ADGRV1: variants seen among roughly 807,000 people sequenced by gnomAD.
The protein encoded by ADGRV1 is G-protein coupled receptor 98.
Under a neutral mutation model 596.2 loss-of-function variants are expected in ADGRV1, and 359 were observed. That is an observed-to-expected ratio of 0.60 (90% CI 0.55 to 0.66). The LOEUF (loss-of-function observed/expected upper bound fraction) is 0.66, where lower values mean the gene tolerates loss of function less well. Ranked by LOEUF, ADGRV1 falls within the 30% of genes least tolerant of loss-of-function variation. ADGRV1 has a pLI of 0.00. For synonymous variants in ADGRV1, 2,681 were observed against 2,679.2 expected (o/e 1.00, Z -0.02); for missense variants, 7,274 against 7,575.6 (o/e 0.96, Z 1.48).
rs1755167895 is a variant in ADGRV1 at position 90,750,847 on chromosome 5, A to C, written c.11121+150A>C. ...ATCATTGTAGAGAGGGATACAATTTAAGGTTAGTTTTCTGGTTGTGGGTAT... is the reference window on the plus strand; with the variant it reads ...ATCATTGTAGAGAGGGATACAATTTCAGGTTAGTTTTCTGGTTGTGGGTAT... On this transcript the variant is annotated intron_variant, in intron 53 of 89. Transcript: ENST00000405460. The C allele has an allele frequency of 1.1e-5, 6 of 568,930 alleles. No individual in the cohort carries two copies. In the Admixed American group the frequency reaches 1.9e-4, roughly 18 times the overall value. 35.2% of individuals were successfully genotyped at this position (568,930 alleles called of 1,614,324 possible). A position where few individuals can be genotyped will look rare whatever the true frequency, so the allele number is the denominator to read the frequency against.
At chr5:90,611,981 C>A (rs1447425951) in intron 1 of ADGRV1, among the ~76,000 whole-genome samples, 1 of 151,938 alleles carries the variant, frequency 6.6e-6, no homozygotes, top group African/African-American at 2.4e-5. Flanking sequence ...GCCCGAACAA[C>A]TTTTCATACA....
intron 54 of ADGRV1, among the ~76,000 whole-genome samples, chr5:90,754,593 A>G (rs2149970340): frequency 6.6e-6 from 1 of 152,308 alleles, no homozygotes; most frequent in East Asian, 1.9e-4. Flanking sequence ...ATGACTTTGT[A>G]TATATAATTT....
intron 21 of ADGRV1, among the ~76,000 whole-genome samples, chr5:90,658,637 A>C (rs1769771511): frequency 6.6e-6 from 1 of 151,758 alleles, no homozygotes; most frequent in African/African-American, 2.4e-5. Flanking sequence ...GGCTTGTATG[A>C]ATAATTGTAT....
chr5:90,810,885 A>G lies in ADGRV1; in HGVS notation c.15625A>G (p.Thr5209Ala). The change falls in exon 74 of 90, where the codon ACT (threonine) becomes GCT (alanine). Residue 5209 changes from threonine (T) to alanine (A), a missense_variant. Thr to Ala is a moderately conservative substitution (Grantham distance 58). Transcript: ENST00000405460. Reference protein sequence around the residue: ...PAVSEKPDVATVTANVSIHGT... With the variant: ...PAVSEKPDVAAVTANVSIHGT... ...TGTGTCTGAAAAGCCTGATGTGGCC[A>G]CTGTAACTGCCAATGTTTCCATTCA... 2 of 1,614,020 alleles carry G rather than the reference A, an allele frequency of 1.2e-6. No homozygotes were observed. The highest frequency in any genetic ancestry group is 1.3e-5 in the African/African-American group (1 of 75,050).
chr5:90,982,156 G>T (rs1285511506), intron 84 of ADGRV1, among the ~76,000 whole-genome samples: 2 of 152,094 alleles, frequency 1.3e-5, no homozygotes, highest in Non-Finnish European at 2.9e-5. Context: ...GTATGTATAG[G>T]TCACACTTAA....
rs1747274764 is a variant in ADGRV1 at position 90,697,022 on chromosome 5, C to T, written c.8031C>T (p.Tyr2677=). Residue 2677 remains tyrosine (Y), a synonymous_variant, in exon 34 of 90, where the codon TAC becomes TAT. Transcript: ENST00000405460. ...AAAGTATCATAGTTAGTTTGGTGTACACTGAAGGTGGAAGTAGAATTTTGC... is the reference window on the plus strand; with the variant it reads ...AAAGTATCATAGTTAGTTTGGTGTATACTGAAGGTGGAAGTAGAATTTTGC... ...DDESIIVSLV[Y]TEGGSRILPS... 1 of 1,613,102 alleles carries T rather than the reference C, an allele frequency of 6.2e-7. No individual in the cohort carries two copies. Among genetic ancestry groups the T allele is most frequent in the East Asian group, 2.2e-5 (1 of 44,860 alleles).
chr5:90,885,644 T>G lies in ADGRV1; in HGVS notation c.17856+21787T>G, dbSNP rs184281440. Among the ~76,000 whole-genome samples, 1,201 of 152,260 alleles carry G rather than the reference T, an allele frequency of 7.9e-3. 20 individuals are homozygous for G. The highest frequency in any genetic ancestry group is 0.027 in the African/African-American group (1,142 of 41,544). ...AGGAAGCATTCTGAAGCTTAATTTG[T>G]CTGGCACAAGGTGAGGACTGAAAGG... On this transcript the variant is annotated intron_variant, in intron 83 of 89. Transcript: ENST00000405460.
chr5:91,014,136 C>CCCCACACACACACACACACACACA lies in ADGRV1; in HGVS notation c.18152+28615_18152+28616insCCACACACACACACACACACACAC, dbSNP rs757029909. Among the ~76,000 whole-genome samples, 125 of 35,688 alleles carry CCCCACACACACACACACACACACA rather than the reference C, an allele frequency of 3.5e-3. 2 individuals carry two copies. The highest frequency in any genetic ancestry group is 0.031 in the East Asian group (46 of 1,464). The allele number at this position is 35,688 out of a possible 152,430, so 23.4% of individuals were successfully genotyped here. A position where few individuals can be genotyped will look rare whatever the true frequency, so the allele number is the denominator to read the frequency against. On this transcript the variant is annotated intron_variant, in intron 85 of 89. Transcript: ENST00000405460. ...TCATAGGCAATCCCATTCACAATTG[C>CCCCACACACACACACACACACACA]CACACACACACACACACACACACAC... is the stretch of plus-strand genomic sequence containing the variant.
At chr5:90,731,347 C>T (rs1207372455) in intron 50 of ADGRV1, among the ~76,000 whole-genome samples, 4 of 152,116 alleles carry the variant, frequency 2.6e-5, no homozygotes, top group South Asian at 2.1e-4. Context: ...GCGGGAAATC[C>T]GCCTCTATGA....
chr5:90,671,513 A>T (rs1329377673), intron 21 of ADGRV1, among the ~76,000 whole-genome samples: 1 of 152,204 alleles, frequency 6.6e-6, no homozygotes, highest in Non-Finnish European at 1.5e-5. Flanking sequence ...TGAAACTCAG[A>T]GGATTTGCTG....
At position 90,694,374 on chromosome 5, in the gene ADGRV1, A is replaced by G. The variant is rs1391935179; in HGVS notation, c.7618A>G (p.Ile2540Val). Residue 2540 changes from isoleucine to valine, a missense_variant, in exon 33 of 90, where the codon ATT becomes GTT. By Grantham distance (29) the Ile-to-Val change is conservative (BLOSUM62 3). This residue lies in a region of ADGRV1 where 3,643 missense variants were observed against 3,809.2 expected (regional missense o/e 0.96). Transcript: ENST00000405460. ...CCCAGAGATGGATGAGAGTTTTCTAATTTCTCTCCTTGAAGTTCACCTCAT... is the reference window on the plus strand; with the variant it reads ...CCCAGAGATGGATGAGAGTTTTCTAGTTTCTCTCCTTGAAGTTCACCTCAT... ...DFPEMDESFL[I>V]SLLEVHLMNI... The G allele has an allele frequency of 6.2e-7, 1 of 1,613,936 alleles. No individual in the cohort carries two copies. The highest frequency in any genetic ancestry group is 1.1e-5 in the South Asian group (1 of 91,084).
At position 90,619,230 on chromosome 5, in the gene ADGRV1, T is replaced by G. The variant is rs539914117; in HGVS notation, c.453+49T>G. The G allele has an allele frequency of 8.2e-6, 7 of 850,828 alleles. No homozygotes were observed. The East Asian group carries it at 2.2e-4, about 27-fold the overall frequency. The allele number at this position is 850,828 out of a possible 1,614,324, so 52.7% of individuals were successfully genotyped here. A position where few individuals can be genotyped will look rare whatever the true frequency, so the allele number is the denominator to read the frequency against. On this transcript the variant is annotated intron_variant, in intron 4 of 89. Transcript: ENST00000405460. ...TTGTGGTTGCTAGATAATAGTTTATTAAATTTTAAAAATTAGTTTTCATGA... is the reference window on the plus strand; with the variant it reads ...TTGTGGTTGCTAGATAATAGTTTATGAAATTTTAAAAATTAGTTTTCATGA...
chr5:90,623,605 G>A (rs1253157210), intron 5 of ADGRV1, among the ~76,000 whole-genome samples: 1 of 151,968 alleles, frequency 6.6e-6, no homozygotes, highest in Non-Finnish European at 1.5e-5. Context: ...TAGAGATGAA[G>A]TCGCATTATG....
chr5:90,938,201 TA>T (rs570289396), intron 83 of ADGRV1, among the ~76,000 whole-genome samples: 4 of 151,092 alleles, frequency 2.6e-5, no homozygotes, highest in South Asian at 4.2e-4. Flanking sequence ...GAGGGGAAAA[TA>T]AAAAAAAAAT....
intron 84 of ADGRV1, among the ~76,000 whole-genome samples, chr5:90,970,805 C>A (rs200432060): frequency 6.6e-6 from 1 of 152,094 alleles, no homozygotes; most frequent in African/African-American, 2.4e-5. Context: ...CACCTCTCCC[C>A]CTCCAAAGGA....
intron 83 of ADGRV1, among the ~76,000 whole-genome samples, chr5:90,961,107 A>G (rs1009120648): frequency 1.3e-5 from 2 of 152,058 alleles, no homozygotes; most frequent in East Asian, 1.9e-4. Flanking sequence ...CTCATTATAA[A>G]TGCTCGATAA....
chr5:90,857,001 CTAT>C (rs1218301349), intron 82 of ADGRV1, among the ~76,000 whole-genome samples: 2 of 152,142 alleles, frequency 1.3e-5, no homozygotes, highest in African/African-American at 4.8e-5. Flanking sequence ...TAATTAATTA[CTAT>C]TTGTTCTGGT....
intron 18 of ADGRV1, among the ~76,000 whole-genome samples, chr5:90,651,951 C>A (rs1022501893): frequency 5.3e-5 from 8 of 150,734 alleles, no homozygotes; most frequent in Admixed American, 3.3e-4. Flanking sequence ...CTCCCCACCC[C>A]CCTCGTTCAA....
At chr5:91,022,975 A>G (rs1352934596) in intron 85 of ADGRV1, among the ~76,000 whole-genome samples, 1 of 152,138 alleles carries the variant, frequency 6.6e-6, no homozygotes, top group Non-Finnish European at 1.5e-5. Flanking sequence ...GCCTTGGGGT[A>G]GGACATTTGG....
Sources: gnomAD v4.1 joint callset for allele counts (sites outside exome capture counted in the v4.1 genomes callset) on GRCh38, gnomAD v4.1.1 for gene constraint, gnomAD v4.1.1 regional missense constraint, MANE v1.5 for transcripts, NCBI Gene and HGNC (gene_info 2026-07-23, HGNC 2026-07-21) for gene names.